Variants in POLH observed in about 807,000 individuals in gnomAD.
POLH encodes the protein DNA polymerase eta transcript.
Under a neutral mutation model 73.6 loss-of-function variants are expected in POLH, and 53 were observed. The ratio of observed to expected loss-of-function variants is 0.72; its 90% CI spans 0.58 to 0.91. The LOEUF (loss-of-function observed/expected upper bound fraction) is 0.91, where lower values mean the gene tolerates loss of function less well. POLH is among the 40% of genes least tolerant of loss of function. The pLI is 0.00. For synonymous variants in POLH, 292 were observed against 308.5 expected, an observed-to-expected ratio of 0.95 and a Z score of 0.56; for missense variants, 768 against 865.4, an observed-to-expected ratio of 0.89 and a Z score of 1.41.
intron 8 of POLH, among the ~76,000 whole-genome samples, chr6:43,604,952 T>C (rs1767112584): frequency 6.6e-6 from 1 of 152,226 alleles, no homozygotes; most frequent in Non-Finnish European, 1.5e-5. Flanking sequence ...ATTTGTTTAG[T>C]AGATGGAGAC....
chr6:43,582,567 G>C, intron 2 of POLH, 111 bp downstream of exon 2: 1 of 1,099,526 alleles, frequency 9.1e-7, no homozygotes, highest in Non-Finnish European at 1.4e-6. Flanking sequence ...TTTCTCTGTT[G>C]TCCCATCCAG....
At chr6:43,595,101 T>C (rs904122921) in intron 4 of POLH, among the ~76,000 whole-genome samples, 5 of 151,212 alleles carry the variant, frequency 3.3e-5, no homozygotes, top group African/African-American at 1.2e-4. Context: ...GAGGCCAAGG[T>C]AGGAGGATCG....
At position 43,601,011 on chromosome 6, in the gene POLH, A is replaced by G. The variant is rs1766677983; in HGVS notation, c.684A>G (p.Gly228=). 3 of 1,613,930 alleles carry G rather than the reference A, an allele frequency of 1.9e-6. No homozygotes were observed. The highest frequency in any genetic ancestry group is 1.3e-5 in the African/African-American group (1 of 74,906). Residue 228 remains glycine (G), a synonymous_variant, in exon 6 of 11, where the codon GGA becomes GGG. Coordinates refer to ENST00000372236, the MANE Select transcript of POLH (RefSeq NM_006502.3). ...AGGTCCTGGCAAAACTGGCCTGTGG[A>G]CTAAACAAGCCCAACCGCCAAACCC... ...HNKVLAKLAC[G]LNKPNRQTLV...
At chr6:43,587,972 G>A (rs1765010931) in intron 4 of POLH, among the ~76,000 whole-genome samples, 1 of 146,624 alleles carries the variant, frequency 6.8e-6, no homozygotes, top group African/African-American at 2.5e-5. Context: ...GGTGGAGATT[G>A]AGGTGAGCCG....
Position 43,601,002 on chromosome 6 carries a change from G to A in POLH, c.675G>A (p.Leu225=). 6.2e-7 allele frequency: 1 copy of A among 1,613,790 alleles called. No individual in the cohort carries two copies. The highest frequency in any genetic ancestry group is 8.5e-7 in the Non-Finnish European group (1 of 1,179,708). The change falls in exon 6 of 11, where the codon CTG becomes CTA. Residue 225 remains leucine (L), a synonymous_variant. Transcript: ENST00000372236. Reference sequence around the variant, plus strand: ...CATGCTTCCAGGTCCTGGCAAAACTGGCCTGTGGACTAAACAAGCCCAACC... The same window carrying A: ...CATGCTTCCAGGTCCTGGCAAAACTAGCCTGTGGACTAAACAAGCCCAACC... ...GISHNKVLAK[L]ACGLNKPNRQ...
In POLH at chr6:43,601,109, A is replaced by G; in HGVS notation, c.764+18A>G. On this transcript the variant is annotated intron_variant, in intron 6 of 10. Coordinates refer to ENST00000372236, the MANE Select transcript of POLH (RefSeq NM_006502.3). ...CGCAAAATGTAAGTATTCAGGCAGC[A>G]TGTTAAATTTCACTTCTATCCATGT... 2 of 1,533,910 alleles carry G rather than the reference A, an allele frequency of 1.3e-6. No individual in the cohort carries two copies. Among genetic ancestry groups the G allele is most frequent in the Non-Finnish European group, 1.8e-6 (2 of 1,106,902 alleles).
intron 5 of POLH, 54 bp downstream of exon 5, chr6:43,597,919 C>A: frequency 2.8e-6 from 4 of 1,418,710 alleles, no homozygotes; most frequent in Admixed American, 1.7e-5. Context: ...TAGTCAAATA[C>A]AGTAGGGACA....
chr6:43,590,319 C>G (rs1561901726), intron 4 of POLH, among the ~76,000 whole-genome samples: 1 of 151,206 alleles, frequency 6.6e-6, no homozygotes. Flanking sequence ...GATCGTACCA[C>G]TGCACTCCAG....
chr6:43,617,528 G>A lies in POLH; in HGVS notation c.*2971G>A, dbSNP rs533321949. ...TGTAATCCCAGCTACTTAGGAGGCTGAGGCAGGAGAATCACTTGAATCTGG... is the reference window on the plus strand; with the variant it reads ...TGTAATCCCAGCTACTTAGGAGGCTAAGGCAGGAGAATCACTTGAATCTGG... On this transcript the variant is annotated 3_prime_UTR_variant, in exon 11 of 11. Transcript: ENST00000372236. Among the ~76,000 whole-genome samples the A allele has an allele frequency of 1.3e-3, 204 of 152,238 alleles. No individual in the cohort carries two copies. The highest frequency in any genetic ancestry group is 4.4e-3 in the African/African-American group (182 of 41,534).
chr6:43,599,702 C>A (rs1026271396), intron 5 of POLH, among the ~76,000 whole-genome samples: 4 of 151,314 alleles, frequency 2.6e-5, no homozygotes, highest in African/African-American at 9.7e-5. Context: ...TTAAACCAGA[C>A]TAAATGTTGC....
intron 9 of POLH, among the ~76,000 whole-genome samples, chr6:43,606,553 C>T (rs1561911137): frequency 1.3e-5 from 2 of 152,008 alleles, no homozygotes; most frequent in Non-Finnish European, 2.9e-5. Flanking sequence ...CTCAGCCTCC[C>T]GAGTAACCGG....
chr6:43,605,443 C>CTTTTTT (rs540143863), intron 9 of POLH, 124 bp downstream of exon 9: 119 of 296,116 alleles, frequency 4.0e-4, no homozygotes, highest in East Asian at 8.6e-4. Flanking sequence ...CGTTTTCTTT[C>CTTTTTT]TTTTTTTTTT....
At chr6:43,578,580 C>G in intron 1 of POLH, 1 of 275,252 alleles carries the variant, frequency 3.6e-6, no homozygotes, top group Non-Finnish European at 7.0e-6. Context: ...GGAAATGCCA[C>G]AGATTGGGGG....
chr6:43,600,853 T>A, intron 5 of POLH, 135 bp from the exon 6 acceptor site: 1 of 726,306 alleles, frequency 1.4e-6, no homozygotes, highest in Non-Finnish European at 2.5e-6. Context: ...TTTCTGGTTT[T>A]ATTTTTGTTT....
intron 3 of POLH, 117 bp from the exon 4 acceptor site, chr6:43,587,155 G>A: frequency 1.2e-6 from 1 of 826,080 alleles, no homozygotes; most frequent in East Asian, 2.4e-5. Context: ...TCTCTGTTAA[G>A]CCACATGTCT....
chr6:43,582,530 G>T (rs1010410838), intron 2 of POLH, 74 bp downstream of exon 2: 104 of 1,251,836 alleles, frequency 8.3e-5, no homozygotes, highest in Middle Eastern at 1.9e-4. Context: ...TTGTTGTTGT[G>T]GTGGTGGTGG....
intron 1 of POLH, among the ~76,000 whole-genome samples, chr6:43,578,094 TC>T (rs1409594001): frequency 6.9e-6 from 1 of 144,088 alleles, no homozygotes; most frequent in East Asian, 2.0e-4. Flanking sequence ...AAAAAAAAAA[TC>T]CCCATGCTAG....
At chr6:43,604,544 A>T in intron 7 of POLH, 71 bp from the exon 8 acceptor site, 1 of 1,498,270 alleles carries the variant, frequency 6.7e-7, no homozygotes, top group Non-Finnish European at 9.3e-7. Flanking sequence ...AATATAATAT[A>T]GTTATTTGGT....
chr6:43,618,908 G>A lies in POLH; in HGVS notation c.*4351G>A, dbSNP rs1035638518. 6.6e-6 allele frequency among the ~76,000 whole-genome samples: 1 copy of A among 151,136 alleles called. No individual in the cohort carries two copies. Among genetic ancestry groups the A allele is most frequent in the African/African-American group, 2.4e-5 (1 of 40,946 alleles). On this transcript the variant is annotated 3_prime_UTR_variant, in exon 11 of 11. Transcript: ENST00000372236. ...GGCCTCCCAAAGTGCTGGGATTACA[G>A]GCCTGAGCCACCAGGCCAGCCCCAA...
Sources: gnomAD v4.1 joint callset for allele counts (sites outside exome capture counted in the v4.1 genomes callset) on GRCh38, gnomAD v4.1.1 for gene constraint, MANE v1.5 for transcripts, NCBI Gene and HGNC (gene_info 2026-07-23, HGNC 2026-07-21) for gene names.